Variants in MKLN1 observed in about 807,000 individuals in gnomAD.
The protein encoded by MKLN1 is muskelin.
MKLN1 carries 18 observed loss-of-function variants against 99.0 expected under a neutral mutation model. That is an observed-to-expected ratio of 0.18 (90% CI 0.13 to 0.27). The LOEUF is 0.27. Among genes scored for constraint, MKLN1 ranks in the 10% least tolerant of loss-of-function variants. MKLN1 has a pLI of 1.00. For synonymous variants in MKLN1, 288 were observed against 293.2 expected (o/e 0.98, Z 0.18); for missense variants, 621 against 875.9 (o/e 0.71, Z 3.67).
At chr7:131,147,703 C>T (rs111905462) in intron 2 of MKLN1, among the ~76,000 whole-genome samples, 4 of 152,102 alleles carry the variant, frequency 2.6e-5, no homozygotes, top group African/African-American at 9.7e-5. Context: ...GGATTTCCAC[C>T]CACACAGTCT....
chr7:131,419,460 T>A (rs540616450), intron 8 of MKLN1, among the ~76,000 whole-genome samples: 210 of 152,040 alleles, frequency 1.4e-3, no homozygotes, highest in Non-Finnish European at 2.6e-3. Flanking sequence ...CAGGCTGGTC[T>A]TGAACTTCTG....
Position 131,487,979 on chromosome 7 carries a change from A to ATT in MKLN1, c.*252_*253insTT, listed in dbSNP as rs1405969658. 7.5e-5 allele frequency: 13 copies of ATT among 173,010 alleles called. No homozygotes were observed. Among genetic ancestry groups the ATT allele is most frequent in the African/African-American group, 3.1e-4 (13 of 41,994 alleles). The allele number at this position is 173,010 out of a possible 1,614,324, so 10.7% of individuals were successfully genotyped here. A position where few individuals can be genotyped will look rare whatever the true frequency, so the allele number is the denominator to read the frequency against. On this transcript the variant is annotated 3_prime_UTR_variant, in exon 18 of 18. Coordinates refer to ENST00000352689, the MANE Select transcript of MKLN1 (RefSeq NM_013255.5). The surrounding 1 kb of genome is among the most constrained non-coding windows in gnomAD (Gnocchi z 4.7). Reference sequence around the variant, plus strand: ...TTTCCAGTTAAATATATATATATATATATTTTTTCTTACTTTATCTTTTAA... The same window carrying ATT: ...TTTCCAGTTAAATATATATATATATATTTATTTTTTCTTACTTTATCTTTTAA...
chr7:131,149,422 G>A (rs533677176), intron 2 of MKLN1, among the ~76,000 whole-genome samples: 1 of 152,278 alleles, frequency 6.6e-6, no homozygotes, highest in South Asian at 2.1e-4. Flanking sequence ...AGATGGTTCT[G>A]TAGTATTAGA....
chr7:131,263,441 C>T (rs1211037045), intron 3 of MKLN1, among the ~76,000 whole-genome samples: 1 of 151,660 alleles, frequency 6.6e-6, no homozygotes, highest in Non-Finnish European at 1.5e-5. Context: ...GGGAAGACTG[C>T]TCGAGCCTGG....
chr7:131,487,740 C>CTGGAAA lies in MKLN1; in HGVS notation c.*16_*17insAATGGA, dbSNP rs1461820173. On this transcript the variant is annotated 3_prime_UTR_variant, in exon 18 of 18. Transcript: ENST00000352689. This position sits in a 1 kb window ranked among gnomAD's most constrained non-coding sequence, Gnocchi z 4.7. The stretch of plus-strand genomic sequence containing the variant: ...TCATCACACTGTAACTGAAGAGTCA[C>CTGGAAA]TGGACACAGAAATGGAAAACAGGAG... 1.9e-6 allele frequency: 3 copies of CTGGAAA among 1,607,364 alleles called. No homozygotes were observed. Among genetic ancestry groups the CTGGAAA allele is most frequent in the Non-Finnish European group, 2.5e-6 (3 of 1,177,718 alleles).
At chr7:131,445,520 A>T (rs1218872383) in intron 11 of MKLN1, among the ~76,000 whole-genome samples, 1 of 150,976 alleles carries the variant, frequency 6.6e-6, no homozygotes, top group South Asian at 2.1e-4. Flanking sequence ...CTTCTTCTCC[A>T]TTCCTACACA....
intron 1 of MKLN1, among the ~76,000 whole-genome samples, chr7:131,130,764 T>C (rs2116225079): frequency 6.6e-6 from 1 of 152,224 alleles, no homozygotes; most frequent in East Asian, 1.9e-4. Flanking sequence ...CACACACAAA[T>C]GTGGATTGGA....
chr7:131,110,981 A>T (rs1795187529), intron 1 of MKLN1, among the ~76,000 whole-genome samples: 1 of 152,226 alleles, frequency 6.6e-6, no homozygotes, highest in Non-Finnish European at 1.5e-5. Context: ...TCAGAAACCT[A>T]CAACTGAGAG....
In MKLN1 at chr7:131,478,875, A is replaced by G. The variant is rs191783181; in HGVS notation, c.2086+198A>G. On this transcript the variant is annotated intron_variant, in intron 17 of 17. Coordinates refer to ENST00000352689, the MANE Select transcript of MKLN1 (RefSeq NM_013255.5). The stretch of plus-strand genomic sequence containing the variant: ...GTATCATTTTGCAGTTCAGTTTGCA[A>G]TGACTATTATACCAATTGCTGTGTT... 4.2e-4 allele frequency: 274 copies of G among 648,228 alleles called. 1 individual carries two copies. In the African/African-American group the frequency reaches 4.3e-3, roughly 10 times the overall value. The allele number at this position is 648,228 out of a possible 1,614,324, so 40.2% of individuals were successfully genotyped here. A position where few individuals can be genotyped will look rare whatever the true frequency, so the allele number is the denominator to read the frequency against.
At chr7:131,377,818 G>A (rs529229498) in intron 2 of MKLN1, among the ~76,000 whole-genome samples, 1 of 152,232 alleles carries the variant, frequency 6.6e-6, no homozygotes, top group East Asian at 1.9e-4. Flanking sequence ...GATGAGCGAC[G>A]GGTATTACAT....
rs151223420 is a variant in MKLN1 at position 131,276,452 on chromosome 7, G to T, written c.-179+73478G>T. ...GTGCATAACCAGAATTTCCAGGCAT[G>T]GGAGAACATCCTAGGGCCAAATCCC... is the stretch of plus-strand genomic sequence containing the variant. On this transcript the variant is annotated intron_variant, in intron 3 of 7. Transcript: ENST00000416992. Among the ~76,000 whole-genome samples, 203 of 152,292 alleles carry T rather than the reference G, an allele frequency of 1.3e-3. 1 individual carries two copies. The highest frequency in any genetic ancestry group is 4.6e-3 in the African/African-American group (193 of 41,558).
At chr7:131,118,547 C>T (rs1383004321) in intron 1 of MKLN1, among the ~76,000 whole-genome samples, 1 of 68,940 alleles carries the variant, frequency 1.5e-5, no homozygotes, top group Non-Finnish European at 2.9e-5. Flanking sequence ...GAGCAAAACT[C>T]TGTCTCAAAA....
intron 2 of MKLN1, among the ~76,000 whole-genome samples, chr7:131,378,556 G>C (rs544515434): frequency 2.0e-5 from 3 of 152,166 alleles, no homozygotes; most frequent in Middle Eastern, 3.2e-3. Context: ...ACGGCCGGAC[G>C]TGGTGGCTCA....
chr7:131,421,287 T>TAA (rs1283612402), intron 8 of MKLN1, among the ~76,000 whole-genome samples: 2 of 152,216 alleles, frequency 1.3e-5, no homozygotes, highest in Non-Finnish European at 1.5e-5. Flanking sequence ...AGTATCTATT[T>TAA]AATCATTTAG....
intron 3 of MKLN1, among the ~76,000 whole-genome samples, chr7:131,226,055 C>T (rs1234849867): frequency 6.6e-6 from 1 of 151,584 alleles, no homozygotes; most frequent in Non-Finnish European, 1.5e-5. Flanking sequence ...ACTTTCTCCC[C>T]AGCCACTTCT....
chr7:131,120,170 C>CAAAAAA (rs34545571), intron 1 of MKLN1, among the ~76,000 whole-genome samples: 7 of 76,456 alleles, frequency 9.2e-5, no homozygotes, highest in Admixed American at 5.9e-4. Context: ...GACTCCATCT[C>CAAAAAA]AAAAAAAAAA....
chr7:131,126,537 T>C (rs1174813438), intron 1 of MKLN1, among the ~76,000 whole-genome samples: 1 of 152,186 alleles, frequency 6.6e-6, no homozygotes, highest in Non-Finnish European at 1.5e-5. Flanking sequence ...AGCCATTAAA[T>C]GGTGGTGCAT....
At chr7:131,183,789 T>C (rs1362056292) in intron 2 of MKLN1, among the ~76,000 whole-genome samples, 1 of 152,156 alleles carries the variant, frequency 6.6e-6, no homozygotes, top group Admixed American at 6.5e-5. Flanking sequence ...ACAAGCACTA[T>C]CTTGCCCAGC....
At chr7:131,227,687 T>A (rs923184075) in intron 3 of MKLN1, among the ~76,000 whole-genome samples, 2 of 151,472 alleles carry the variant, frequency 1.3e-5, no homozygotes, top group East Asian at 3.9e-4. Flanking sequence ...TGCCTCAGCC[T>A]CTGGAGTAGC....
Sources: gnomAD v4.1 joint callset for allele counts (sites outside exome capture counted in the v4.1 genomes callset) on GRCh38, gnomAD v4.1.1 for gene constraint, Gnocchi (gnomAD v3.1) non-coding constraint, MANE v1.5 for transcripts, NCBI Gene and HGNC (gene_info 2026-07-23, HGNC 2026-07-21) for gene names.